NREP: variants seen among roughly 807,000 people sequenced by gnomAD.
NREP encodes neuronal regeneration-related protein.
A neutral mutation model predicts 8.6 loss-of-function variants in NREP; 5 were observed. That is an observed-to-expected ratio of 0.58 (90% CI 0.30 to 1.22). NREP has a LOEUF of 1.22. Ranked by LOEUF, NREP falls within the 50% of genes most tolerant of loss-of-function variation. NREP has a pLI of 0.07. For missense variants in NREP, 86 were observed against 82.5 expected (o/e 1.04, Z -0.17); for synonymous variants, 27 against 28.0 (o/e 0.96, Z 0.11).
intron 2 of NREP, among the ~76,000 whole-genome samples, chr5:111,809,510 A>C (rs895159078): frequency 6.6e-6 from 1 of 151,990 alleles, no homozygotes; most frequent in Non-Finnish European, 1.5e-5. Context: ...CAGTAGTGAG[A>C]GAGTTCTCTC....
At chr5:111,959,845 G>C (rs1756433310) in intron 2 of NREP, among the ~76,000 whole-genome samples, 1 of 151,788 alleles carries the variant, frequency 6.6e-6, no homozygotes, top group Admixed American at 6.6e-5. Flanking sequence ...GCTGTATATT[G>C]TGGCTCATGA....
chr5:111,772,105 G>A (rs1751245489), intron 2 of NREP, among the ~76,000 whole-genome samples: 1 of 152,156 alleles, frequency 6.6e-6, no homozygotes, highest in South Asian at 2.1e-4. Flanking sequence ...AATTCCTTCA[G>A]TACTAACATT....
chr5:111,771,814 T>C (rs983433830), intron 2 of NREP, among the ~76,000 whole-genome samples: 1 of 152,002 alleles, frequency 6.6e-6, no homozygotes, highest in Non-Finnish European at 1.5e-5. Flanking sequence ...AGCAAGATTT[T>C]ATTGTGCCAT....
In NREP at chr5:111,824,471, C is replaced by A. The variant is rs552874936; in HGVS notation, c.136-88964G>T. 3.9e-5 allele frequency among the ~76,000 whole-genome samples: 6 copies of A among 152,312 alleles called. No homozygotes were observed. The South Asian group carries it at 1.2e-3, about 32-fold the overall frequency. ...ATGACGTGCCAAGAAATTAAGTAAC[C>A]TAGTCATGGGCACAAAGCTAGCAAA... On this transcript the variant is annotated intron_variant, in intron 2 of 3. Transcript: ENST00000395634.
intron 2 of NREP, among the ~76,000 whole-genome samples, chr5:111,959,133 C>T (rs1458655472): frequency 1.3e-5 from 2 of 151,912 alleles, no homozygotes; most frequent in African/African-American, 4.8e-5. Flanking sequence ...GAAAGGTTTT[C>T]TTAAGCAAGT....
At chr5:111,823,085 G>GA (rs1252749493) in intron 2 of NREP, among the ~76,000 whole-genome samples, 2 of 152,194 alleles carry the variant, frequency 1.3e-5, no homozygotes, top group African/African-American at 4.8e-5. Context: ...ACTCATGGGG[G>GA]AAGACTAAGG....
chr5:111,912,912 AT>A (rs1041988715), intron 2 of NREP, among the ~76,000 whole-genome samples: 1 of 152,018 alleles, frequency 6.6e-6, no homozygotes, highest in Non-Finnish European at 1.5e-5. Context: ...TACCACTTGT[AT>A]TTTTTTCTTC....
intron 2 of NREP, among the ~76,000 whole-genome samples, chr5:111,910,074 C>A (rs1248839466): frequency 1.3e-5 from 2 of 152,052 alleles, no homozygotes; most frequent in African/African-American, 4.8e-5. Context: ...TGCAAGAGAA[C>A]ATATATTACT....
upstream of NREP, chr5:111,758,080 G>A (rs1457733131): frequency 6.1e-6 from 6 of 985,388 alleles, no homozygotes; most frequent in Non-Finnish European, 4.8e-6. Context: ...CAAAGAGTCC[G>A]CGAAGGATGC....
intron 2 of NREP, among the ~76,000 whole-genome samples, chr5:111,778,166 G>C (rs573149126): frequency 6.6e-6 from 1 of 152,236 alleles, no homozygotes; most frequent in South Asian, 2.1e-4. Context: ...CAAGTTGCTT[G>C]CCAATCTCCA....
At chr5:111,890,086 C>T (rs1754357687) in intron 2 of NREP, among the ~76,000 whole-genome samples, 2 of 152,136 alleles carry the variant, frequency 1.3e-5, no homozygotes, top group African/African-American at 4.8e-5. Context: ...TATGTGCAGG[C>T]TTGGGCTCAG....
chr5:111,976,103 G>T (rs1179771279), intron 1 of NREP, among the ~76,000 whole-genome samples: 1 of 152,020 alleles, frequency 6.6e-6, no homozygotes, highest in Non-Finnish European at 1.5e-5. Flanking sequence ...ATATTGTTTT[G>T]AGATCTAACA....
At chr5:111,791,931 G>T (rs1013663029) in intron 2 of NREP, among the ~76,000 whole-genome samples, 19 of 152,120 alleles carry the variant, frequency 1.2e-4, no homozygotes, top group African/African-American at 4.6e-4. Context: ...TTAAAATGAG[G>T]ATAAAATAGT....
chr5:111,784,870 A>T (rs1479701301), intron 2 of NREP, among the ~76,000 whole-genome samples: 1 of 152,210 alleles, frequency 6.6e-6, no homozygotes, highest in Non-Finnish European at 1.5e-5. Flanking sequence ...ATTTTTATAA[A>T]GAAAGTATGA....
chr5:111,975,030 CTAAG>C (rs1221047806), intron 2 of NREP, among the ~76,000 whole-genome samples: 1 of 152,076 alleles, frequency 6.6e-6, no homozygotes, highest in Non-Finnish European at 1.5e-5. Flanking sequence ...GGGATGGATG[CTAAG>C]TAAGGATTGC....
chr5:111,809,133 T>A lies in NREP; in HGVS notation c.136-73626A>T, dbSNP rs145178757. ...AACTTCGTATCTAGATGTTAAGGCATTTTTTAAAATATGCCTCTACTAGTC... is the reference window on the plus strand; with the variant it reads ...AACTTCGTATCTAGATGTTAAGGCAATTTTTAAAATATGCCTCTACTAGTC... On this transcript the variant is annotated intron_variant, in intron 2 of 3. Coordinates refer to the NREP transcript ENST00000395634. 5.0e-3 allele frequency among the ~76,000 whole-genome samples: 764 copies of A among 152,302 alleles called. 10 individuals are homozygous for A. Among genetic ancestry groups the A allele is most frequent in the African/African-American group, 0.018 (740 of 41,558 alleles).
At chr5:111,886,589 T>C (rs368534876) in intron 2 of NREP, among the ~76,000 whole-genome samples, 1 of 150,696 alleles carries the variant, frequency 6.6e-6, no homozygotes, top group Non-Finnish European at 1.5e-5. Flanking sequence ...CCAACAATGA[T>C]AGACTGGATT....
intron 2 of NREP, among the ~76,000 whole-genome samples, chr5:111,749,974 T>A (rs1750251892): frequency 6.6e-6 from 1 of 152,132 alleles, no homozygotes; most frequent in Non-Finnish European, 1.5e-5. Flanking sequence ...GTGTGTTCTT[T>A]CCTGTTAAGC....
chr5:111,875,050 G>C (rs1753872999), intron 2 of NREP, among the ~76,000 whole-genome samples: 1 of 152,168 alleles, frequency 6.6e-6, no homozygotes, highest in African/African-American at 2.4e-5. Flanking sequence ...CTTTTCCAAA[G>C]AGTAGATTTG....
Sources: gnomAD v4.1 joint callset for allele counts (sites outside exome capture counted in the v4.1 genomes callset) on GRCh38, gnomAD v4.1.1 for gene constraint, MANE v1.5 for transcripts, NCBI Gene and HGNC (gene_info 2026-07-23, HGNC 2026-07-21) for gene names.